CBL: variants seen among roughly 807,000 people sequenced by gnomAD.
CBL encodes Cbl proto-oncogene.
A neutral mutation model predicts 96.9 loss-of-function variants in CBL; 45 were observed. The ratio of observed to expected loss-of-function variants is 0.46; its 90% CI spans 0.37 to 0.60. CBL has a LOEUF of 0.60. Among genes scored for constraint, CBL ranks in the 20% least tolerant of loss-of-function variants. CBL has a pLI of 0.00. For synonymous variants in CBL, 420 were observed against 426.8 expected (o/e 0.98, Z 0.20); for missense variants, 1,024 against 1,143.5 (o/e 0.90, Z 1.51).
chr11:119,283,913 A>G (rs1949959950), intron 9 of CBL, among the ~76,000 whole-genome samples: 1 of 152,192 alleles, frequency 6.6e-6, no homozygotes, highest in East Asian at 1.9e-4. Flanking sequence ...CTGCGATTAC[A>G]GGCGTGAGCC....
At chr11:119,290,739 G>A (rs946530890) in intron 12 of CBL, among the ~76,000 whole-genome samples, 5 of 146,726 alleles carry the variant, frequency 3.4e-5, no homozygotes, top group African/African-American at 5.0e-5. Flanking sequence ...CCAGTGGCAC[G>A]ATCTTGGCTC....
chr11:119,211,021 A>G (rs1949313314), intron 1 of CBL, among the ~76,000 whole-genome samples: 1 of 152,206 alleles, frequency 6.6e-6, no homozygotes, highest in Non-Finnish European at 1.5e-5. Context: ...CAATAATGAA[A>G]GAGTACAATT....
intron 2 of CBL, among the ~76,000 whole-genome samples, chr11:119,245,890 A>G (rs1020122788): frequency 6.7e-6 from 1 of 150,058 alleles, no homozygotes; most frequent in African/African-American, 2.5e-5. Context: ...GTTATAAATT[A>G]ACTAGTCTTT....
chr11:119,298,634 G>A, intron 15 of CBL, 94 bp downstream of exon 15: 1 of 1,093,110 alleles, frequency 9.1e-7, no homozygotes, highest in South Asian at 1.3e-5. Flanking sequence ...GTGACAGTAA[G>A]TCAGTATGTA....
chr11:119,288,305 C>T (rs1395887099), intron 12 of CBL, among the ~76,000 whole-genome samples: 2 of 152,148 alleles, frequency 1.3e-5, no homozygotes, highest in African/African-American at 4.8e-5. Flanking sequence ...GCTCAGGCTG[C>T]CATGACAAAA....
At position 119,232,555 on chromosome 11, in the gene CBL, A is replaced by T; in HGVS notation, c.303A>T (p.Arg101Ser). Residue 101 changes from arginine (R) to serine (S), a missense_variant, in exon 2 of 16, where the codon AGA becomes AGT. Physicochemically the swap from Arg to Ser is moderately radical, Grantham distance 110 (BLOSUM62 -1). Coordinates refer to ENST00000264033, the MANE Select transcript of CBL (RefSeq NM_005188.4). ...AGCATCTCCGTACTATCTTGTCAAGATATGAGGGGAAGATGGAGACACTTG... is the reference window on the plus strand; with the variant it reads ...AGCATCTCCGTACTATCTTGTCAAGTTATGAGGGGAAGATGGAGACACTTG... ...TYQHLRTILS[R>S]YEGKMETLGE... 2.5e-6 allele frequency: 4 copies of T among 1,614,182 alleles called. No individual in the cohort carries two copies. The highest frequency in any genetic ancestry group is 3.4e-6 in the Non-Finnish European group (4 of 1,180,006).
At chr11:119,234,090 T>G (rs970518182) in intron 2 of CBL, among the ~76,000 whole-genome samples, 1 of 152,180 alleles carries the variant, frequency 6.6e-6, no homozygotes, top group Non-Finnish European at 1.5e-5. Flanking sequence ...CACCGCAACC[T>G]CCGCCTCTTG....
chr11:119,233,743 C>G (rs1949522172), intron 2 of CBL, among the ~76,000 whole-genome samples: 1 of 151,924 alleles, frequency 6.6e-6, no homozygotes, highest in African/African-American at 2.4e-5. Flanking sequence ...GTAAATTATT[C>G]TTGAGTAGTG....
chr11:119,213,987 C>G (rs537973685), intron 1 of CBL, among the ~76,000 whole-genome samples: 1 of 152,282 alleles, frequency 6.6e-6, no homozygotes, highest in Non-Finnish European at 1.5e-5. Flanking sequence ...TCTTTTGCCC[C>G]AGGCTGGAGT....
chr11:119,269,952 G>A (rs112809516), intron 2 of CBL, among the ~76,000 whole-genome samples: 1 of 152,086 alleles, frequency 6.6e-6, no homozygotes, highest in African/African-American at 2.4e-5. Context: ...AGCCGAGATC[G>A]CGCCACTGCA....
chr11:119,253,083 T>A (rs1949683003), intron 2 of CBL, among the ~76,000 whole-genome samples: 1 of 152,092 alleles, frequency 6.6e-6, no homozygotes, highest in Non-Finnish European at 1.5e-5. Flanking sequence ...TAAGGTTACA[T>A]GCACATATCA....
At chr11:119,283,262 CTGCTCA>C (rs1949952064) in intron 9 of CBL, among the ~76,000 whole-genome samples, 1 of 152,214 alleles carries the variant, frequency 6.6e-6, no homozygotes, top group Non-Finnish European at 1.5e-5. Flanking sequence ...AGCTGTTTAG[CTGCTCA>C]TGCTGCATTG....
At chr11:119,260,379 G>A (rs555510658) in intron 2 of CBL, among the ~76,000 whole-genome samples, 38 of 151,944 alleles carry the variant, frequency 2.5e-4, no homozygotes, top group South Asian at 8.3e-4. Context: ...GAGTAGCTGC[G>A]ACTACAGGCA....
rs2135304692 is a variant in CBL, at chr11:119,278,619, G to A, written c.1337G>A (p.Gly446Glu). ...GGGAGTGGCAGCCTGTTGAGGCAAGGAGCAGAGGGAGCTCCCTCCCCAAAT... is the reference window on the plus strand; with the variant it reads ...GGGAGTGGCAGCCTGTTGAGGCAAGAAGCAGAGGGAGCTCCCTCCCCAAAT... ...PRGSGSLLRQ[G>E]AEGAPSPNYD... Residue 446 changes from glycine to glutamate, a missense_variant, in exon 9 of 16, where the codon GGA becomes GAA. This residue lies in a region of CBL where 695 missense variants were observed against 661.6 expected (regional missense o/e 1.05). Transcript: ENST00000264033. The A allele has an allele frequency of 6.2e-7, 1 of 1,614,078 alleles. No individual in the cohort carries two copies. Among genetic ancestry groups the A allele is most frequent in the Non-Finnish European group, 8.5e-7 (1 of 1,179,980 alleles).
chr11:119,281,864 T>G (rs951970356), intron 9 of CBL, among the ~76,000 whole-genome samples: 2 of 152,176 alleles, frequency 1.3e-5, no homozygotes, highest in African/African-American at 2.4e-5. Context: ...ATTTTTGGTT[T>G]GTTTGTTGTG....
chr11:119,224,954 C>T (rs1264888272), intron 1 of CBL, among the ~76,000 whole-genome samples: 1 of 151,810 alleles, frequency 6.6e-6, no homozygotes, highest in Non-Finnish European at 1.5e-5. Flanking sequence ...TATAAGCAGA[C>T]CCACGCTTTC....
intron 2 of CBL, among the ~76,000 whole-genome samples, chr11:119,256,715 C>A (rs1439053347): frequency 2.0e-5 from 3 of 150,916 alleles, no homozygotes; most frequent in Non-Finnish European, 2.9e-5. Context: ...CCCTCCCTGC[C>A]CTCCCACCTC....
rs1949876598 is a variant in CBL at position 119,274,902 on chromosome 11, C to T, written c.818C>T (p.Thr273Met). 4.3e-6 allele frequency: 7 copies of T among 1,613,852 alleles called. No individual in the cohort carries two copies. The highest frequency in any genetic ancestry group is 5.9e-6 in the Non-Finnish European group (7 of 1,179,924). The change falls in exon 5 of 16, where the codon ACG (threonine) becomes ATG (methionine). Residue 273 changes from threonine to methionine, a missense_variant. By Grantham distance (81) the Thr-to-Met change is moderately conservative. Transcript: ENST00000264033. ...CATCCTGGCTACATGGCTTTTTTGA[C>T]GTATGACGAAGTGAAAGCTCGGCTC... ...VTHPGYMAFL[T>M]YDEVKARLQK...
Position 119,306,372 on chromosome 11 carries a change from A to G in CBL, c.*6591A>G, listed in dbSNP as rs1186453672. The G allele has an allele frequency of 1.0e-5, 4 of 398,772 alleles. No homozygotes were observed. The highest frequency in any genetic ancestry group is 2.1e-5 in the African/African-American group (1 of 48,618). The allele number at this position is 398,772 out of a possible 1,614,324, so 24.7% of individuals were successfully genotyped here. A position where few individuals can be genotyped will look rare whatever the true frequency, so the allele number is the denominator to read the frequency against. The stretch of plus-strand genomic sequence containing the variant: ...GTCCTGATTGCCTGATTCAGTCCCA[A>G]AAATGAATGTCAGGCCCCGCCCCCT... On this transcript the variant is annotated 3_prime_UTR_variant, in exon 16 of 16. Transcript: ENST00000264033.
Sources: gnomAD v4.1 joint callset for allele counts (sites outside exome capture counted in the v4.1 genomes callset) on GRCh38, gnomAD v4.1.1 for gene constraint, gnomAD v4.1.1 regional missense constraint, MANE v1.5 for transcripts, NCBI Gene and HGNC (gene_info 2026-07-23, HGNC 2026-07-21) for gene names.